ARL2BP: variants seen among roughly 807,000 people sequenced by gnomAD.
The protein encoded by ARL2BP is ADP-ribosylation factor-like protein 2-binding protein.
ARL2BP carries 19 observed loss-of-function variants against 24.2 expected under a neutral mutation model. The ratio of observed to expected loss-of-function variants is 0.79; its 90% confidence interval spans 0.55 to 1.15. The LOEUF is 1.15. ARL2BP is among the 50% of genes most tolerant of loss of function. ARL2BP has a pLI of 0.00. For synonymous variants in ARL2BP, 56 were observed against 70.5 expected, an observed-to-expected ratio of 0.79 and a Z score of 1.03; for missense variants, 160 against 190.4, an observed-to-expected ratio of 0.84 and a Z score of 0.94.
Position 57,246,098 on chromosome 16 carries a change from A to G in ARL2BP, c.57A>G (p.Ala19=), listed in dbSNP as rs111658181. Residue 19 remains alanine (A), a synonymous_variant, in exon 2 of 6, where the codon GCA becomes GCG. Coordinates refer to ENST00000219204, the MANE Select transcript of ARL2BP (RefSeq NM_012106.4). The stretch of plus-strand genomic sequence containing the variant: ...TTTTCAGCTCCTCCGCCTCTGATGC[A>G]GAATTTGATGCTGTGGTTGGATATT... ...FALSFSSASD[A]EFDAVVGYLE... 4.3e-6 allele frequency: 7 copies of G among 1,614,162 alleles called. No individual in the cohort carries two copies. In the African/African-American group the frequency reaches 9.3e-5, roughly 22 times the overall value.
In ARL2BP at chr16:57,249,851, C is replaced by T; in HGVS notation, c.292C>T (p.Gln98Ter). 6.2e-7 allele frequency: 1 copy of T among 1,613,774 alleles called. No homozygotes were observed. The highest frequency in any genetic ancestry group is 8.5e-7 in the Non-Finnish European group (1 of 1,179,620). ...FNMAAFTTTL[Q>*]HHKDEVAGDI... is the part of the protein sequence containing the mutation. The stretch of plus-strand genomic sequence containing the variant: ...CATGGCAGCCTTCACCACAACATTA[C>T]AGTGAGTTGAGCTTGACTGATTTTT... The change falls in exon 4 of 6, where the codon CAG (glutamine) becomes TAG (stop). Residue 98 changes from glutamine (Q) to a stop codon, truncating the protein, a stop_gained and splice_region_variant. Coordinates refer to ENST00000219204, the MANE Select transcript of ARL2BP (RefSeq NM_012106.4). LOFTEE classifies it high-confidence loss of function.
At chr16:57,245,930 C>T (rs1678021786) in intron 1 of ARL2BP, 150 bp from the exon 2 acceptor site, 3 of 720,090 alleles carry the variant, frequency 4.2e-6, no homozygotes, top group Non-Finnish European at 7.3e-6. Context: ...CTTACTAGAT[C>T]AGTCAGTCAT....
chr16:57,248,738 T>C, intron 3 of ARL2BP, 95 bp downstream of exon 3: 1 of 644,256 alleles, frequency 1.6e-6, no homozygotes. Flanking sequence ...CCTTTTAAAA[T>C]ATGCCACCAG....
intron 2 of ARL2BP, among the ~76,000 whole-genome samples, chr16:57,246,851 C>T (rs2075392018): frequency 6.6e-6 from 1 of 152,118 alleles, no homozygotes; most frequent in Admixed American, 6.5e-5. Context: ...ACCATAAGCA[C>T]ACATGGCCAT....
intron 3 of ARL2BP, 158 bp from the exon 4 acceptor site, chr16:57,249,609 G>A (rs1195088593): frequency 1.6e-6 from 1 of 627,950 alleles, no homozygotes; most frequent in Non-Finnish European, 2.9e-6. Context: ...CTCCAGGACA[G>A]GAGCTGTGTT....
Position 57,245,317 on chromosome 16 carries a change from G to T in ARL2BP, c.-51G>T, listed in dbSNP as rs1325457871. The stretch of plus-strand genomic sequence containing the variant: ...TAACCCCGCCGGGCGGCCGCGCCCT[G>T]CATGCGAGTTGGGCCGCGGGCGGGG... On this transcript the variant is annotated 5_prime_UTR_variant, in exon 1 of 6. Coordinates refer to ENST00000219204, the MANE Select transcript of ARL2BP (RefSeq NM_012106.4). 3 of 1,586,036 alleles carry T rather than the reference G, an allele frequency of 1.9e-6. No homozygotes were observed. Among genetic ancestry groups the T allele is most frequent in the Non-Finnish European group, 1.7e-6 (2 of 1,167,358 alleles).
intron 5 of ARL2BP, chr16:57,251,605 A>AG (rs1426854912): frequency 6.6e-6 from 1 of 151,588 alleles, no homozygotes; most frequent in African/African-American, 2.4e-5. Context: ...AAAAAAAAAA[A>AG]GAAAGAAAGA....
rs1567524988 is a variant in ARL2BP, at chr16:57,245,702, G to T, written c.38+297G>T. 1.3e-5 allele frequency: 7 copies of T among 533,168 alleles called. No homozygotes were observed. The East Asian group carries it at 2.2e-4, about 17-fold the overall frequency. The allele number at this position is 533,168 out of a possible 1,614,324, so 33.0% of individuals were successfully genotyped here. A position where few individuals can be genotyped will look rare whatever the true frequency, so the allele number is the denominator to read the frequency against. The stretch of plus-strand genomic sequence containing the variant: ...TCAGCAAAGCCTGGAGGGGTTGAGC[G>T]CCCGAGGCCCCTCCACCCCTCCCTG... On this transcript the variant is annotated intron_variant, in intron 1 of 5. Coordinates refer to ENST00000219204, the MANE Select transcript of ARL2BP (RefSeq NM_012106.4).
At chr16:57,251,524 C>A (rs1281254703) in intron 5 of ARL2BP, 1 of 147,106 alleles carries the variant, frequency 6.8e-6, no homozygotes, top group Non-Finnish European at 1.5e-5. Flanking sequence ...GGCTGTATTA[C>A]ACAGCAGTGG....
intron 4 of ARL2BP, 121 bp downstream of exon 4, chr16:57,249,973 T>A (rs1381000330): frequency 2.3e-6 from 2 of 859,160 alleles, no homozygotes; most frequent in Non-Finnish European, 3.8e-6. Context: ...GGTTAGGTCC[T>A]ATGGAGGAAG....
At chr16:57,245,720 C>A (rs1197343371) in intron 1 of ARL2BP, 8 of 522,692 alleles carry the variant, frequency 1.5e-5, no homozygotes, top group African/African-American at 1.4e-4. Context: ...CCCCTCCACC[C>A]CTCCCTGGCC....
At chr16:57,247,505 G>A (rs1431888195) in intron 2 of ARL2BP, 1 of 151,540 alleles carries the variant, frequency 6.6e-6, no homozygotes, top group Non-Finnish European at 1.5e-5. Flanking sequence ...GGCACCATAG[G>A]GAGAACCCTG....
chr16:57,248,311 CAA>C (rs1161528446), intron 2 of ARL2BP: 441 of 49,168 alleles, frequency 9.0e-3, no homozygotes, highest in South Asian at 0.026. Flanking sequence ...AACTCCAGCT[CAA>C]AAAAAAAAAA....
intron 2 of ARL2BP, 148 bp downstream of exon 2, chr16:57,246,289 C>T (rs2075390294): frequency 1.3e-6 from 1 of 743,662 alleles, no homozygotes; most frequent in African/African-American, 1.8e-5. Context: ...TAAAGGCTTA[C>T]TGCAGTTTGT....
chr16:57,246,715 A>G (rs2075391641), intron 2 of ARL2BP, among the ~76,000 whole-genome samples: 1 of 152,172 alleles, frequency 6.6e-6, no homozygotes, highest in South Asian at 2.1e-4. Context: ...GAGGCAGGAA[A>G]ATGGCGTGAA....
intron 1 of ARL2BP, 145 bp downstream of exon 1, chr16:57,245,550 G>C: frequency 2.8e-6 from 3 of 1,059,154 alleles, no homozygotes; most frequent in Non-Finnish European, 4.1e-6. Context: ...CGCCGTCCCA[G>C]CTCCAGGCCT....
At position 57,250,415 on chromosome 16, in the gene ARL2BP, C is replaced by T; in HGVS notation, c.298C>T (p.His100Tyr). Residue 100 changes from histidine (H) to tyrosine (Y), a missense_variant, in exon 5 of 6, where the codon CAT becomes TAT. By Grantham distance (83) the His-to-Tyr change is moderately conservative. Coordinates refer to ENST00000219204, the MANE Select transcript of ARL2BP (RefSeq NM_012106.4). ...MAAFTTTLQH[H>Y]KDEVAGDIFD... is the part of the protein sequence containing the mutation. The stretch of plus-strand genomic sequence containing the variant: ...AGCCATCTGTTCCGTTTGCAGGCAC[C>T]ATAAGGATGAAGTGGCTGGTGACAT... 1 of 1,614,056 alleles carries T rather than the reference C, an allele frequency of 6.2e-7. No homozygotes were observed.
At position 57,248,656 on chromosome 16, in the gene ARL2BP, C is replaced by T; in HGVS notation, c.207+13C>T. 2.1e-6 allele frequency: 3 copies of T among 1,446,598 alleles called. No homozygotes were observed. The highest frequency in any genetic ancestry group is 2.8e-6 in the Non-Finnish European group (3 of 1,057,674). 89.6% of individuals were successfully genotyped at this position (1,446,598 alleles called of 1,614,324 possible). A position where few individuals can be genotyped will look rare whatever the true frequency, so the allele number is the denominator to read the frequency against. On this transcript the variant is annotated intron_variant, in intron 3 of 5. Coordinates refer to ENST00000219204, the MANE Select transcript of ARL2BP (RefSeq NM_012106.4). The stretch of plus-strand genomic sequence containing the variant: ...TTTTAATGAATACGTAAGTAGATTT[C>T]TATGTCTCCTACCAGGAGGTCAGAG...
At chr16:57,248,379 A>T (rs1194179633) in intron 2 of ARL2BP, 158 bp from the exon 3 acceptor site, 2 of 407,540 alleles carry the variant, frequency 4.9e-6, no homozygotes, top group Non-Finnish European at 9.0e-6. Context: ...CTATTTCCAC[A>T]TCAGGGTCCC....
Sources: allele counts gnomAD v4.1 joint callset (sites outside exome capture counted in the v4.1 genomes callset), GRCh38; gene constraint gnomAD v4.1.1; transcripts MANE v1.5; gene names NCBI Gene and HGNC (gene_info 2026-07-23, HGNC 2026-07-21).